The following DCC variants were observed in gnomAD, a reference collection of about 807,000 sequenced individuals.
DCC encodes DCC netrin 1 receptor, also known as netrin receptor DCC.
In DCC, 58 loss-of-function variants were observed where a neutral mutation model predicts 172.5. The observed-to-expected ratio is 0.34, with a 90% CI of 0.27 to 0.42. DCC has a LOEUF of 0.42. Among genes scored for constraint, DCC ranks in the 10% least tolerant of loss-of-function variants. DCC has a pLI of 1.00. For synonymous variants in DCC, 709 were observed against 644.5 expected (o/e 1.10, Z -1.52); for missense variants, 1,740 against 1,791.0 (o/e 0.97, Z 0.51).
intron 12 of DCC, among the ~76,000 whole-genome samples, chr18:53,296,175 C>T (rs924170507): frequency 2.6e-5 from 4 of 152,228 alleles, no homozygotes; most frequent in Non-Finnish European, 2.9e-5. Context: ...TGCTACTGTA[C>T]GTGGTCTTGC....
At chr18:52,467,311 C>G (rs552730614) in intron 1 of DCC, among the ~76,000 whole-genome samples, 1 of 152,006 alleles carries the variant, frequency 6.6e-6, no homozygotes, top group Non-Finnish European at 1.5e-5. Flanking sequence ...GTTTTCTGTT[C>G]CTGTGTTAGT....
At chr18:53,145,036 C>G (rs544938456) in intron 7 of DCC, among the ~76,000 whole-genome samples, 15 of 146,042 alleles carry the variant, frequency 1.0e-4, no homozygotes, top group Non-Finnish European at 1.5e-5. Context: ...CATGTTGAAA[C>G]TTAATCCCCA....
intron 1 of DCC, among the ~76,000 whole-genome samples, chr18:52,485,920 G>A (rs1297569768): frequency 6.6e-6 from 1 of 151,866 alleles, no homozygotes; most frequent in African/African-American, 2.4e-5. Context: ...TAATTTTTAT[G>A]ATAAAAAAAG....
At chr18:53,002,614 TC>T (rs537847979) in intron 5 of DCC, among the ~76,000 whole-genome samples, 37 of 152,052 alleles carry the variant, frequency 2.4e-4, no homozygotes, top group African/African-American at 3.9e-4. Context: ...TCCTTTTTTT[TC>T]CTCTCAGAAT....
chr18:52,563,411 C>T (rs368724892), intron 1 of DCC, among the ~76,000 whole-genome samples: 120 of 152,160 alleles, frequency 7.9e-4, no homozygotes, highest in Middle Eastern at 3.4e-3. Flanking sequence ...AATTCCTGCT[C>T]GAGCGTTTCA....
At chr18:52,930,215 T>C (rs2040287184) in intron 5 of DCC, among the ~76,000 whole-genome samples, 2 of 152,170 alleles carry the variant, frequency 1.3e-5, no homozygotes, top group African/African-American at 2.4e-5. Flanking sequence ...TCCTGCCACC[T>C]TGGCCTCCCA....
At chr18:52,593,041 G>C (rs1393407881) in intron 1 of DCC, among the ~76,000 whole-genome samples, 2 of 152,130 alleles carry the variant, frequency 1.3e-5, no homozygotes, top group Non-Finnish European at 2.9e-5. Flanking sequence ...CCTTTACCAT[G>C]CTCCTCAGGT....
chr18:52,538,453 CTCTT>C (rs1180313016), intron 1 of DCC, among the ~76,000 whole-genome samples: 1 of 152,154 alleles, frequency 6.6e-6, no homozygotes, highest in Non-Finnish European at 1.5e-5. Flanking sequence ...TATCTATAAA[CTCTT>C]TCCTGATGTA....
intron 1 of DCC, among the ~76,000 whole-genome samples, chr18:52,649,326 T>C (rs2035080292): frequency 6.8e-6 from 1 of 147,776 alleles, no homozygotes; most frequent in South Asian, 2.2e-4. Flanking sequence ...TGAGCCGAGA[T>C]TGTGCCACTG....
chr18:53,385,749 C>G (rs1288115510), intron 15 of DCC, among the ~76,000 whole-genome samples: 2 of 152,146 alleles, frequency 1.3e-5, no homozygotes, highest in African/African-American at 4.8e-5. Flanking sequence ...TTCACACCCA[C>G]TTGTATATTA....
At chr18:52,423,807 A>G (rs1987332461) in intron 1 of DCC, among the ~76,000 whole-genome samples, 1 of 152,172 alleles carries the variant, frequency 6.6e-6, no homozygotes, top group South Asian at 2.1e-4. Flanking sequence ...TTTCCTGAAC[A>G]TGTTTAAAGT....
intron 14 of DCC, among the ~76,000 whole-genome samples, chr18:53,324,236 A>C (rs1175327494): frequency 2.0e-5 from 3 of 152,220 alleles, no homozygotes; most frequent in Non-Finnish European, 2.9e-5. Context: ...TATATAATTG[A>C]AAAGTTGTGG....
chr18:53,111,316 G>A (rs1279877138), intron 7 of DCC, among the ~76,000 whole-genome samples: 5 of 150,300 alleles, frequency 3.3e-5, no homozygotes, highest in African/African-American at 1.2e-4. Flanking sequence ...AAGTTACTGG[G>A]TGTAGCACAC....
At chr18:52,385,891 C>G (rs534003002) in intron 1 of DCC, among the ~76,000 whole-genome samples, 1 of 152,106 alleles carries the variant, frequency 6.6e-6, no homozygotes, top group African/African-American at 2.4e-5. Context: ...GTGCTGCGAG[C>G]TATAATAGCC....
intron 5 of DCC, among the ~76,000 whole-genome samples, chr18:53,051,596 C>T: frequency 6.6e-6 from 1 of 152,054 alleles, no homozygotes; most frequent in East Asian, 1.9e-4. Context: ...TCATAATTGA[C>T]AAAGTGGATT....
chr18:52,527,267 T>G (rs577331277), intron 1 of DCC, among the ~76,000 whole-genome samples: 2 of 152,254 alleles, frequency 1.3e-5, no homozygotes. Context: ...ATCCACATAC[T>G]GTATTCAGTC....
chr18:53,056,255 A>T (rs1219641679), intron 5 of DCC, among the ~76,000 whole-genome samples: 1 of 152,120 alleles, frequency 6.6e-6, no homozygotes, highest in Non-Finnish European at 1.5e-5. Flanking sequence ...GCCACAGTTT[A>T]AAACCATCAG....
chr18:53,469,843 C>T (rs1479374081), intron 25 of DCC, among the ~76,000 whole-genome samples: 1 of 152,142 alleles, frequency 6.6e-6, no homozygotes, highest in African/African-American at 2.4e-5. Flanking sequence ...AAGATTTTTA[C>T]AGTCACTCTC....
At chr18:53,109,093 TG>T (rs2043293474) in intron 7 of DCC, among the ~76,000 whole-genome samples, 1 of 151,494 alleles carries the variant, frequency 6.6e-6, no homozygotes, top group African/African-American at 2.4e-5. Flanking sequence ...AGCCATTTTA[TG>T]GGCAGGTATA....
Sources: allele counts gnomAD v4.1 joint callset (sites outside exome capture counted in the v4.1 genomes callset), GRCh38; gene constraint gnomAD v4.1.1; transcripts MANE v1.5; gene names NCBI Gene and HGNC (gene_info 2026-07-23, HGNC 2026-07-21).